The following NTRK1 variants were observed in gnomAD, a reference collection of about 807,000 sequenced individuals.
NTRK1 encodes high affinity nerve growth factor receptor.
Under a neutral mutation model 86.8 loss-of-function variants are expected in NTRK1, and 62 were observed. That is an observed-to-expected ratio of 0.71 (90% CI 0.58 to 0.88). The LOEUF is 0.88. Among genes scored for constraint, NTRK1 ranks in the 40% least tolerant of loss-of-function variants. The pLI is 0.00. For missense variants in NTRK1, 967 were observed against 1,078.4 expected (o/e 0.90, Z 1.45); for synonymous variants, 469 against 456.6 (o/e 1.03, Z -0.35).
intron 7 of NTRK1, among the ~76,000 whole-genome samples, chr1:156,872,941 T>A (rs1393901554): frequency 6.6e-6 from 1 of 151,912 alleles, no homozygotes; most frequent in Admixed American, 6.6e-5. Context: ...CCTCCCAAAG[T>A]ATTGGAATTA....
At position 156,868,257 on chromosome 1, in the gene NTRK1, C is replaced by T. The variant is rs2102893522; in HGVS notation, c.574+8C>T. ...TGCCCAATGCCAGCTGTGGTAGGTG[C>T]CGGGTGAGGGAGGTGGTGTAAGGGG... On this transcript the variant is annotated splice_region_variant and intron_variant, in intron 5 of 16. Coordinates refer to ENST00000524377, the MANE Select transcript of NTRK1 (RefSeq NM_002529.4). 1 of 1,607,178 alleles carries T rather than the reference C, an allele frequency of 6.2e-7. No homozygotes were observed. Among genetic ancestry groups the T allele is most frequent in the Non-Finnish European group, 8.5e-7 (1 of 1,179,914 alleles).
chr1:156,829,292 G>T (rs1194300262), intron 1 of NTRK1, among the ~76,000 whole-genome samples: 1 of 152,164 alleles, frequency 6.6e-6, no homozygotes, highest in Non-Finnish European at 1.5e-5. Flanking sequence ...GACAGTGGGT[G>T]CCACCACCTA....
chr1:156,844,778 G>T, intron 2 of NTRK1: 1 of 1,614,160 alleles, frequency 6.2e-7, no homozygotes, highest in Non-Finnish European at 8.5e-7. Flanking sequence ...TCGAGCCAGC[G>T]CAGAAGGACA....
At chr1:156,845,971 GA>G in intron 2 of NTRK1, 1 of 1,613,036 alleles carries the variant, frequency 6.2e-7, no homozygotes, top group Non-Finnish European at 8.5e-7. Context: ...AGTAGTCATT[GA>G]GGTAGAGGTC....
At chr1:156,878,647 G>A (rs909022324) in intron 14 of NTRK1, among the ~76,000 whole-genome samples, 15 of 152,160 alleles carry the variant, frequency 9.9e-5, no homozygotes, top group Non-Finnish European at 2.1e-4. Flanking sequence ...GGACACCTTC[G>A]AAAGGAAGGA....
chr1:156,875,968 G>T, intron 12 of NTRK1, 112 bp from the exon 13 acceptor site: 2 of 1,533,450 alleles, frequency 1.3e-6, no homozygotes, highest in Non-Finnish European at 1.8e-6. Context: ...CCCCCATGCA[G>T]TCCCTCGTCT....
chr1:156,839,902 G>A (rs1256176966), intron 1 of NTRK1, among the ~76,000 whole-genome samples: 1 of 152,078 alleles, frequency 6.6e-6, no homozygotes, highest in African/African-American at 2.4e-5. Flanking sequence ...TGGCAACCCT[G>A]GCTGCTCGGG....
Position 156,881,433 on chromosome 1 carries a change from CCT to C in NTRK1, c.2206-21_2206-20del, listed in dbSNP as rs764586001. On this transcript the variant is annotated intron_variant, in intron 16 of 16. Transcript: ENST00000524377. The stretch of plus-strand genomic sequence containing the variant: ...TTGCCCCCAGCCTAGTGGGCTTTCT[CCT>C]CTGTCTCTCCGGTGGCCCCAGGCAA... The C allele has an allele frequency of 8.4e-6, 13 of 1,551,614 alleles. No individual in the cohort carries two copies. The Middle Eastern group carries it at 5.0e-4, about 60-fold the overall frequency.
At chr1:156,864,957 T>G in intron 3 of NTRK1, 158 bp downstream of exon 3, 2 of 736,124 alleles carry the variant, frequency 2.7e-6, no homozygotes, top group South Asian at 1.5e-5. Context: ...CCCATCTCCC[T>G]CAGGGATGGC....
At chr1:156,819,825 T>G (rs932957109) in intron 1 of NTRK1, among the ~76,000 whole-genome samples, 1 of 152,114 alleles carries the variant, frequency 6.6e-6, no homozygotes, top group East Asian at 1.9e-4. Flanking sequence ...GGCCTATTTG[T>G]TTTTTTCTTC....
At chr1:156,874,748 C>A (rs912073344) in intron 10 of NTRK1, 122 bp downstream of exon 10, 3 of 1,244,192 alleles carry the variant, frequency 2.4e-6, no homozygotes, top group African/African-American at 1.5e-5. Context: ...GCTCTGACGG[C>A]CACCCGCACA....
chr1:156,826,455 T>C (rs4661059), intron 1 of NTRK1, among the ~76,000 whole-genome samples: 123,015 of 151,846 alleles, frequency 0.81, 49,996 homozygotes, highest in East Asian at 0.88. Flanking sequence ...TGTCCACCAC[T>C]GTGCCCGGCT....
rs368769883 is a variant in NTRK1, at chr1:156,873,723, G to A, written c.941G>A (p.Arg314His). 34 of 1,612,646 alleles carry A rather than the reference G, an allele frequency of 2.1e-5. No individual in the cohort carries two copies. The highest frequency in any genetic ancestry group is 6.6e-5 in the South Asian group (6 of 90,788). The change falls in exon 8 of 17, where the codon CGC (arginine) becomes CAC (histidine). Residue 314 changes from arginine to histidine, a missense_variant. This residue lies in a region of NTRK1 where 637 missense variants were observed against 776.5 expected (regional missense o/e 0.82). Transcript: ENST00000524377. ...SVDGQPAPSL[R>H]WLFNGSVLNE... ...GATGGGCAGCCGGCACCGTCTCTGC[G>A]CTGGCTCTTCAATGGCTCCGTGCTC...
At position 156,874,608 on chromosome 1, in the gene NTRK1, G is replaced by T. The variant is rs1429019097; in HGVS notation, c.1233G>T (p.Lys411Asn). 2 of 1,614,074 alleles carry T rather than the reference G, an allele frequency of 1.2e-6. No individual in the cohort carries two copies. The highest frequency in any genetic ancestry group is 2.2e-5 in the South Asian group (2 of 91,042). The change falls in exon 10 of 17, where the codon AAG (lysine) becomes AAT (asparagine). Residue 411 changes from lysine (K) to asparagine (N), a missense_variant. Physicochemically the swap from Lys to Asn is moderately conservative, Grantham distance 94 (BLOSUM62 0). Transcript: ENST00000524377. ...CATCTGGAGACCCGGTGGAGAAGAA[G>T]GACGAAACACCTTTTGGGGTGAGAT... ...NSTSGDPVEK[K>N]DETPFGVSVA...
chr1:156,843,522 G>A (rs763463921), intron 2 of NTRK1: 1 of 1,574,248 alleles, frequency 6.4e-7, no homozygotes, highest in South Asian at 1.1e-5. Context: ...GGGTTCTCAG[G>A]AAGGAATGAG....
chr1:156,840,702 T>G, intron 1 of NTRK1: 1 of 628,966 alleles, frequency 1.6e-6, no homozygotes, highest in Non-Finnish European at 2.8e-6. Flanking sequence ...ACTCCTATGG[T>G]GAGACCCCTC....
chr1:156,817,047 T>TCTCTCTCTCTCTCTCTCTCTCTCTC (rs1654008835), intron 1 of NTRK1, among the ~76,000 whole-genome samples: 9 of 113,858 alleles, frequency 7.9e-5, no homozygotes, highest in East Asian at 5.7e-4. Context: ...GAACTTCCCT[T>TCTCTCTCTCTCTCTCTCTCTCTCTC]TCTCTCTCTC....
intron 2 of NTRK1, among the ~76,000 whole-genome samples, chr1:156,847,868 T>G (rs534129848): frequency 1.3e-3 from 194 of 152,256 alleles, no homozygotes; most frequent in African/African-American, 4.4e-3. Context: ...TTCTCTGCTC[T>G]TTGAGCCCAG....
At position 156,874,554 on chromosome 1, in the gene NTRK1, G is replaced by T. The variant is rs1256265703; in HGVS notation, c.1196-17G>T. 1 of 1,613,872 alleles carries T rather than the reference G, an allele frequency of 6.2e-7. No homozygotes were observed. The highest frequency in any genetic ancestry group is 8.5e-7 in the Non-Finnish European group (1 of 1,179,764). On this transcript the variant is annotated splice_polypyrimidine_tract_variant and intron_variant, in intron 9 of 16. Coordinates refer to ENST00000524377, the MANE Select transcript of NTRK1 (RefSeq NM_002529.4). The stretch of plus-strand genomic sequence containing the variant: ...GTGTGTGTCAAGGCTCACCCCTCCT[G>T]CCCTGTGTCCCTACAGACACTAACA...
Sources: gnomAD v4.1 joint callset for allele counts (sites outside exome capture counted in the v4.1 genomes callset) on GRCh38, gnomAD v4.1.1 for gene constraint, gnomAD v4.1.1 regional missense constraint, MANE v1.5 for transcripts, NCBI Gene and HGNC (gene_info 2026-07-23, HGNC 2026-07-21) for gene names.